TMEM9: variants seen among roughly 807,000 people sequenced by gnomAD.
The protein encoded by TMEM9 is transmembrane protein 9, also known as proton-transporting V-type ATPase complex assembly regulator TMEM9.
A neutral mutation model predicts 22.8 loss-of-function variants in TMEM9; 13 were observed. The ratio of observed to expected loss-of-function variants is 0.57; its 90% CI spans 0.37 to 0.91. The LOEUF (loss-of-function observed/expected upper bound fraction) is 0.91. TMEM9 is among the 40% of genes least tolerant of loss of function. TMEM9 has a pLI of 0.01. For synonymous variants in TMEM9, 88 were observed against 93.0 expected (o/e 0.95, Z 0.31); for missense variants, 182 against 238.1 (o/e 0.76, Z 1.55).
intron 1 of TMEM9, 101 bp downstream of exon 1, chr1:201,153,756 AG>A: frequency 6.3e-7 from 1 of 1,574,988 alleles, no homozygotes; most frequent in Non-Finnish European, 8.6e-7. Context: ...GGTGAGTGAG[AG>A]GCAGGCTTAA....
intron 1 of TMEM9, 158 bp downstream of exon 1, chr1:201,153,700 C>T: frequency 6.5e-7 from 1 of 1,533,990 alleles, no homozygotes; most frequent in South Asian, 1.2e-5. Context: ...GGGAGGCCAG[C>T]AGCCTTGAAC....
chr1:201,139,486 C>T (rs1010858580), intron 4 of TMEM9, among the ~76,000 whole-genome samples: 1 of 152,158 alleles, frequency 6.6e-6, no homozygotes, highest in Non-Finnish European at 1.5e-5. Context: ...CATGCTGTTT[C>T]CCTGCCCAAA....
chr1:201,149,933 A>G (rs1665290207), intron 2 of TMEM9, among the ~76,000 whole-genome samples: 1 of 152,022 alleles, frequency 6.6e-6, no homozygotes, highest in Non-Finnish European at 1.5e-5. Context: ...TACACCCACC[A>G]CCCTTAATGG....
chr1:201,169,746 A>G (rs1335260256), intron 1 of TMEM9, among the ~76,000 whole-genome samples: 1 of 152,212 alleles, frequency 6.6e-6, no homozygotes, highest in East Asian at 1.9e-4. Flanking sequence ...GGGAGATTAA[A>G]TATCAGATGA....
intron 1 of TMEM9, among the ~76,000 whole-genome samples, chr1:201,163,722 A>G (rs1196235079): frequency 6.6e-6 from 1 of 152,204 alleles, no homozygotes; most frequent in African/African-American, 2.4e-5. Context: ...AAATAGTGAC[A>G]ATTCCAAATG....
At chr1:201,165,118 C>T (rs1436272314) in intron 1 of TMEM9, among the ~76,000 whole-genome samples, 1 of 143,634 alleles carries the variant, frequency 7.0e-6, no homozygotes, top group Non-Finnish European at 1.5e-5. Context: ...TTAATGAGGA[C>T]ACATCACATT....
intron 2 of TMEM9, among the ~76,000 whole-genome samples, chr1:201,147,384 C>T (rs1665064747): frequency 6.6e-6 from 1 of 152,160 alleles, no homozygotes; most frequent in African/African-American, 2.4e-5. Context: ...TTCTACCGTC[C>T]ACTTCACTGT....
intron 1 of TMEM9, among the ~76,000 whole-genome samples, chr1:201,161,786 A>G (rs1330416803): frequency 6.6e-6 from 1 of 152,232 alleles, no homozygotes; most frequent in East Asian, 1.9e-4. Context: ...GTGCTGCTCC[A>G]GTGACTTCTA....
chr1:201,141,348 C>T (rs1283475618), intron 4 of TMEM9, among the ~76,000 whole-genome samples: 2 of 152,176 alleles, frequency 1.3e-5, no homozygotes, highest in Non-Finnish European at 2.9e-5. Context: ...TCTGAATACA[C>T]TGAGAAAAGC....
chr1:201,163,617 T>TA, intron 1 of TMEM9, among the ~76,000 whole-genome samples: 1 of 151,816 alleles, frequency 6.6e-6, no homozygotes, highest in South Asian at 2.1e-4. Flanking sequence ...AAATAATAAA[T>TA]AAAAAATATT....
At chr1:201,160,951 A>G (rs568234856) in intron 1 of TMEM9, among the ~76,000 whole-genome samples, 1 of 152,020 alleles carries the variant, frequency 6.6e-6, no homozygotes, top group South Asian at 2.1e-4. Context: ...AAAAAAAAAA[A>G]TATTGAGGAC....
chr1:201,167,802 T>G (rs965951553), intron 1 of TMEM9, among the ~76,000 whole-genome samples: 1 of 152,226 alleles, frequency 6.6e-6, no homozygotes, highest in Admixed American at 6.5e-5. Flanking sequence ...TCTCCCCTAC[T>G]GCCATAAGTT....
chr1:201,140,725 A>G (rs1664452138), intron 4 of TMEM9, among the ~76,000 whole-genome samples: 1 of 152,180 alleles, frequency 6.6e-6, no homozygotes, highest in Non-Finnish European at 1.5e-5. Context: ...AAGCTCCTGG[A>G]GCCTAGACAG....
intron 1 of TMEM9, among the ~76,000 whole-genome samples, chr1:201,160,621 AT>A (rs151096062): frequency 9.5e-5 from 14 of 148,110 alleles, no homozygotes; most frequent in Admixed American, 2.0e-4. Flanking sequence ...TACTGGGGAA[AT>A]TTTTTTTTTT....
chr1:201,166,186 T>C (rs1252386089), intron 1 of TMEM9, among the ~76,000 whole-genome samples: 4 of 152,094 alleles, frequency 2.6e-5, no homozygotes, highest in Non-Finnish European at 5.9e-5. Flanking sequence ...TTGCAATGTG[T>C]TTTTCTACTT....
intron 1 of TMEM9, among the ~76,000 whole-genome samples, chr1:201,161,500 C>CCAGGAA (rs1476219797): frequency 1.3e-5 from 2 of 152,126 alleles, no homozygotes; most frequent in African/African-American, 4.8e-5. Flanking sequence ...GAATATGCTC[C>CCAGGAA]CAGGAACAGT....
chr1:201,165,221 G>C (rs944996467), intron 1 of TMEM9, among the ~76,000 whole-genome samples: 4 of 145,394 alleles, frequency 2.8e-5, no homozygotes, highest in African/African-American at 1.0e-4. Context: ...TAAAAGTCCA[G>C]GATGAGCTGA....
intron 2 of TMEM9, among the ~76,000 whole-genome samples, chr1:201,148,147 G>C (rs1031471892): frequency 6.6e-6 from 1 of 152,184 alleles, no homozygotes; most frequent in African/African-American, 2.4e-5. Context: ...CTTGCGTAAG[G>C]TGGGATAAAG....
intron 1 of TMEM9, among the ~76,000 whole-genome samples, chr1:201,169,282 T>C (rs908888994): frequency 6.6e-6 from 1 of 152,180 alleles, no homozygotes; most frequent in African/African-American, 2.4e-5. Flanking sequence ...TAACTGAGGA[T>C]AGCTTAGTGA....
Sources: allele counts gnomAD v4.1 joint callset (sites outside exome capture counted in the v4.1 genomes callset), GRCh38; gene constraint gnomAD v4.1.1; transcripts MANE v1.5; gene names NCBI Gene and HGNC (gene_info 2026-07-23, HGNC 2026-07-21).